LHPP: variants seen among roughly 807,000 people sequenced by gnomAD.
LHPP encodes the protein hLHPP.
Under a neutral mutation model 30.3 loss-of-function variants are expected in LHPP, and 24 were observed. The ratio of observed to expected loss-of-function variants is 0.79; its 90% confidence interval spans 0.57 to 1.11. The LOEUF is 1.11. Among genes scored for constraint, LHPP ranks in the 50% most tolerant of loss-of-function variants. The probability of loss-of-function intolerance (pLI) is 0.00; values close to 1 mark genes in which losing one functional copy is unlikely to be tolerated. For missense variants in LHPP, 356 were observed against 367.2 expected (o/e 0.97, Z 0.25); for synonymous variants, 150 against 157.1 (o/e 0.95, Z 0.34).
At chr10:124,601,789 G>A (rs1949025926) in intron 6 of LHPP, among the ~76,000 whole-genome samples, 2 of 152,242 alleles carry the variant, frequency 1.3e-5, no homozygotes, top group Non-Finnish European at 2.9e-5. Flanking sequence ...CTCTCTGCCT[G>A]GCTGGCACAC....
At chr10:124,470,950 C>T (rs1029000615) in intron 1 of LHPP, among the ~76,000 whole-genome samples, 26 of 152,174 alleles carry the variant, frequency 1.7e-4, no homozygotes, top group African/African-American at 5.8e-4. Flanking sequence ...AGATGGGAGC[C>T]GGTGCTCTTT....
chr10:124,515,532 T>C (rs766689005), intron 5 of LHPP, among the ~76,000 whole-genome samples: 6 of 152,234 alleles, frequency 3.9e-5, no homozygotes, highest in Admixed American at 1.3e-4. Context: ...TCATTTTTTA[T>C]TGGGTGCCAG....
Position 124,491,056 on chromosome 10 carries a change from T to C in LHPP, c.467+2481T>C, listed in dbSNP as rs140597607. Among the ~76,000 whole-genome samples, 404 of 151,066 alleles carry C rather than the reference T, an allele frequency of 2.7e-3. 2 individuals are homozygous for C. The highest frequency in any genetic ancestry group is 9.2e-3 in the African/African-American group (378 of 40,910). ...TTCTGCACAGCCTAGAGTTCTGGAA[T>C]CACAGGGTTCTGCACAGCCTAGAGT... On this transcript the variant is annotated intron_variant, in intron 3 of 6. Transcript: ENST00000368842.
At chr10:124,519,689 G>T (rs1954557732) in intron 6 of LHPP, among the ~76,000 whole-genome samples, 1 of 152,138 alleles carries the variant, frequency 6.6e-6, no homozygotes, top group Non-Finnish European at 1.5e-5. Context: ...AACATACAGT[G>T]TTTGGTTTTC....
intron 1 of LHPP, among the ~76,000 whole-genome samples, chr10:124,483,209 G>A (rs74355223): frequency 1.2e-3 from 182 of 152,306 alleles, no homozygotes; most frequent in African/African-American, 4.2e-3. Context: ...CGGAATGTTG[G>A]TGTCCCTGAT....
chr10:124,560,416 G>A (rs1948377440), intron 6 of LHPP, among the ~76,000 whole-genome samples: 1 of 152,134 alleles, frequency 6.6e-6, no homozygotes. Context: ...TGTTAGCTTT[G>A]AAACAGACCC....
At chr10:124,466,896 T>G (rs1328049909) in intron 1 of LHPP, among the ~76,000 whole-genome samples, 2 of 151,784 alleles carry the variant, frequency 1.3e-5, no homozygotes, top group Non-Finnish European at 2.9e-5. Context: ...TCCCAGCACT[T>G]TGGGAGGCTG....
intron 1 of LHPP, among the ~76,000 whole-genome samples, chr10:124,480,851 G>A (rs1332969551): frequency 6.6e-6 from 1 of 152,196 alleles, no homozygotes; most frequent in African/African-American, 2.4e-5. Flanking sequence ...CAGATCTACA[G>A]ATTTCTTCCT....
chr10:124,476,170 G>A (rs1451021334), intron 1 of LHPP, among the ~76,000 whole-genome samples: 1 of 152,092 alleles, frequency 6.6e-6, no homozygotes, highest in Non-Finnish European at 1.5e-5. Context: ...GTCCCGCTAA[G>A]GTGACTGCCC....
chr10:124,486,400 G>C (rs532930124), intron 2 of LHPP, among the ~76,000 whole-genome samples: 5 of 152,244 alleles, frequency 3.3e-5, no homozygotes, highest in Admixed American at 1.3e-4. Flanking sequence ...GCTACCCCCA[G>C]GCTGAATGAT....
chr10:124,530,611 C>T (rs1196311907), intron 6 of LHPP, among the ~76,000 whole-genome samples: 1 of 152,190 alleles, frequency 6.6e-6, no homozygotes, highest in Non-Finnish European at 1.5e-5. Context: ...GGCCTGCTCA[C>T]ACCCCACTCA....
intron 6 of LHPP, among the ~76,000 whole-genome samples, chr10:124,536,032 A>T (rs1955015703): frequency 6.6e-6 from 1 of 152,190 alleles, no homozygotes; most frequent in African/African-American, 2.4e-5. Flanking sequence ...CTTTAAAACC[A>T]CTGGAAAGGC....
intron 4 of LHPP, 22 bp downstream of exon 4, chr10:124,497,046 C>G: frequency 3.7e-6 from 6 of 1,606,590 alleles, no homozygotes; most frequent in Non-Finnish European, 5.1e-6. Context: ...GGTTCTGTCC[C>G]AAACTCTCTT....
chr10:124,498,091 A>G lies in LHPP; in HGVS notation c.587A>G (p.Lys196Arg), dbSNP rs1376829129. ...VVGKPSPEFF[K>R]SALQAIGVEA... ...GGGAAGCCTTCTCCTGAGTTTTTCAAGTCTGCCCTGCAAGCGATAGGAGTG... is the reference window on the plus strand; with the variant it reads ...GGGAAGCCTTCTCCTGAGTTTTTCAGGTCTGCCCTGCAAGCGATAGGAGTG... The change falls in exon 5 of 7, where the codon AAG becomes AGG. Residue 196 changes from lysine (K) to arginine (R), a missense_variant. By Grantham distance (26) the Lys-to-Arg change is conservative. Coordinates refer to ENST00000368842, the MANE Select transcript of LHPP (RefSeq NM_022126.4). 1.2e-6 allele frequency: 2 copies of G among 1,614,136 alleles called. No homozygotes were observed. Among genetic ancestry groups the G allele is most frequent in the Non-Finnish European group, 1.7e-6 (2 of 1,180,026 alleles).
intron 1 of LHPP, among the ~76,000 whole-genome samples, chr10:124,463,342 G>A (rs1312057873): frequency 6.6e-6 from 1 of 151,580 alleles, no homozygotes; most frequent in African/African-American, 2.4e-5. Flanking sequence ...AGAACATCGT[G>A]CCAGCCAAGA....
chr10:124,543,596 A>G (rs1166941837), intron 6 of LHPP, among the ~76,000 whole-genome samples: 5 of 152,266 alleles, frequency 3.3e-5, no homozygotes, highest in Admixed American at 2.0e-4. Flanking sequence ...TCAGCTGCCC[A>G]TGGTGGCGGC....
intron 6 of LHPP, among the ~76,000 whole-genome samples, chr10:124,570,681 C>T (rs772342112): frequency 7.2e-5 from 11 of 152,196 alleles, no homozygotes; most frequent in African/African-American, 9.6e-5. Context: ...TCTGTGGATT[C>T]GCCCGCTCTG....
chr10:124,476,765 G>A (rs1180229563), intron 1 of LHPP, among the ~76,000 whole-genome samples: 1 of 152,160 alleles, frequency 6.6e-6, no homozygotes, highest in Admixed American at 6.5e-5. Context: ...TTCTGTTTTG[G>A]AAAATTGGAT....
chr10:124,543,206 C>T (rs1955244093), intron 6 of LHPP, among the ~76,000 whole-genome samples: 1 of 152,232 alleles, frequency 6.6e-6, no homozygotes, highest in African/African-American at 2.4e-5. Context: ...CCAGACTCCA[C>T]CTCCCTGGCT....
Sources: allele counts gnomAD v4.1 joint callset (sites outside exome capture counted in the v4.1 genomes callset), GRCh38; gene constraint gnomAD v4.1.1; transcripts MANE v1.5; gene names NCBI Gene and HGNC (gene_info 2026-07-23, HGNC 2026-07-21).